The following RGS6 variants were observed in gnomAD, a reference collection of about 807,000 sequenced individuals.
The protein encoded by RGS6 is regulator of G-protein signaling 6.
RGS6 carries 30 observed loss-of-function variants against 78.5 expected under a neutral mutation model. The observed-to-expected ratio is 0.38, with a 90% CI of 0.29 to 0.52. The LOEUF is 0.52. Among genes scored for constraint, RGS6 ranks in the 20% least tolerant of loss-of-function variants. The pLI, the probability that RGS6 is intolerant of heterozygous loss-of-function variation, is 0.85. For missense variants in RGS6, 495 were observed against 609.7 expected, an observed-to-expected ratio of 0.81 and a Z score of 1.98; for synonymous variants, 206 against 206.0, an observed-to-expected ratio of 1.00 and a Z score of 0.00.
chr14:72,580,642 T>A, the RGS6 span, among the ~76,000 whole-genome samples: 2 of 152,240 alleles, frequency 1.3e-5, no homozygotes, highest in African/African-American at 4.8e-5. Context: ...ATGGTTGTAA[T>A]CAGGCTATTA....
intron 3 of RGS6, among the ~76,000 whole-genome samples, chr14:72,407,673 T>C (rs1470494026): frequency 6.6e-6 from 1 of 152,260 alleles, no homozygotes; most frequent in Non-Finnish European, 1.5e-5. Context: ...CTTTAGAATC[T>C]GACCTTGTGT....
At position 72,065,803 on chromosome 14, in the gene RGS6, G is replaced by T. The variant is rs529105177; in HGVS notation, c.84+100928G>T. 3.8e-3 allele frequency among the ~76,000 whole-genome samples: 567 copies of T among 150,496 alleles called. 1 individual carries two copies. The highest frequency in any genetic ancestry group is 0.014 in the African/African-American group (554 of 40,884). On this transcript the variant is annotated intron_variant, in intron 2 of 17. Transcript: ENST00000553525. ...TTTTTTTATTATACTTTAAGTTTTA[G>T]GGTACATGTGCACAATGTGCAGGTT...
intron 12 of RGS6, among the ~76,000 whole-genome samples, chr14:72,484,605 TA>T (rs2096453715): frequency 6.6e-6 from 1 of 152,218 alleles, no homozygotes. Flanking sequence ...AGAGAAAGGA[TA>T]AAATCTACAA....
intron 1 of RGS6, among the ~76,000 whole-genome samples, chr14:71,955,729 C>A (rs946021611): frequency 1.2e-4 from 19 of 152,238 alleles, no homozygotes; most frequent in African/African-American, 4.3e-4. Context: ...CCCTGTTTAT[C>A]AGCAAGGTCT....
At chr14:72,247,651 T>G (rs886695275) in intron 2 of RGS6, among the ~76,000 whole-genome samples, 3 of 152,206 alleles carry the variant, frequency 2.0e-5, no homozygotes, top group Non-Finnish European at 4.4e-5. Context: ...TGCAATAGCA[T>G]TGGGAGGTGG....
chr14:72,229,451 G>T (rs1198966862), intron 2 of RGS6, among the ~76,000 whole-genome samples: 1 of 152,042 alleles, frequency 6.6e-6, no homozygotes, highest in East Asian at 1.9e-4. Context: ...CCCATTGTGG[G>T]CTGGTACTCC....
chr14:72,540,390 T>G, intron 17 of RGS6: 1 of 1,456,702 alleles, frequency 6.9e-7, no homozygotes. Context: ...GGGACCCTGC[T>G]GCCCTCGGGG....
chr14:71,940,222 C>G (rs1037076731), intron 1 of RGS6, among the ~76,000 whole-genome samples: 3 of 152,192 alleles, frequency 2.0e-5, no homozygotes, highest in Non-Finnish European at 4.4e-5. Flanking sequence ...ATTTTCCTTT[C>G]CCGAGTGCAG....
chr14:72,134,856 T>C (rs897557360), intron 2 of RGS6, among the ~76,000 whole-genome samples: 1 of 152,178 alleles, frequency 6.6e-6, no homozygotes, highest in Non-Finnish European at 1.5e-5. Context: ...CCTTTCCCCA[T>C]CTTTTTGTCA....
the RGS6 span, among the ~76,000 whole-genome samples, chr14:71,902,712 A>C: frequency 6.6e-6 from 1 of 152,230 alleles, no homozygotes; most frequent in Non-Finnish European, 1.5e-5. Context: ...TTATAACAAA[A>C]TAAATAAAAA....
chr14:72,034,429 G>A (rs11158932), intron 2 of RGS6, among the ~76,000 whole-genome samples: 20,137 of 149,926 alleles, frequency 0.13, 1,449 homozygotes, highest in African/African-American at 0.18. Context: ...CACCAATTCA[G>A]TCATGTGGTT....
chr14:72,061,641 T>C (rs1305096982), intron 2 of RGS6, among the ~76,000 whole-genome samples: 4 of 152,136 alleles, frequency 2.6e-5, no homozygotes, highest in African/African-American at 9.7e-5. Flanking sequence ...TTAAACTTGC[T>C]ACAAATAAGC....
chr14:72,025,607 T>C (rs554027885), intron 2 of RGS6, among the ~76,000 whole-genome samples: 8 of 152,256 alleles, frequency 5.3e-5, no homozygotes, highest in African/African-American at 1.4e-4. Flanking sequence ...TGCCTTTCCA[T>C]AGGGCCAAGT....
At chr14:71,873,416 G>GT in the RGS6 span, among the ~76,000 whole-genome samples, 570 of 152,214 alleles carry the variant, frequency 3.7e-3, 5 homozygotes, top group African/African-American at 0.013. Context: ...TTTTTCATGT[G>GT]TTTTTTGGCT....
chr14:71,942,734 C>A (rs532502350), intron 1 of RGS6, among the ~76,000 whole-genome samples: 8 of 152,050 alleles, frequency 5.3e-5, no homozygotes, highest in Non-Finnish European at 8.8e-5. Flanking sequence ...TATGTGGCTA[C>A]CTTTTATATA....
chr14:72,001,613 G>T (rs1177220513), intron 2 of RGS6, among the ~76,000 whole-genome samples: 2 of 151,866 alleles, frequency 1.3e-5, no homozygotes, highest in Non-Finnish European at 1.5e-5. Context: ...CCAAATTAAA[G>T]ACATATTCTC....
At chr14:72,417,116 C>CATGAAGGGCAGACATGA in intron 3 of RGS6, among the ~76,000 whole-genome samples, 1 of 152,350 alleles carries the variant, frequency 6.6e-6, no homozygotes, top group East Asian at 1.9e-4. Flanking sequence ...ATGCCACCTG[C>CATGAAGGGCAGACATGA]ATGAAGGGCA....
chr14:71,925,334 G>T, the RGS6 span, among the ~76,000 whole-genome samples: 1 of 152,104 alleles, frequency 6.6e-6, no homozygotes, highest in African/African-American at 2.4e-5. Flanking sequence ...AGGCTTGCAG[G>T]TATTTCCTCC....
intron 2 of RGS6, among the ~76,000 whole-genome samples, chr14:72,034,980 G>A (rs1567064520): frequency 6.6e-6 from 1 of 152,132 alleles, no homozygotes; most frequent in Non-Finnish European, 1.5e-5. Flanking sequence ...ATTCTGAGTA[G>A]CATGATAAAA....
Sources: gnomAD v4.1 joint callset for allele counts (sites outside exome capture counted in the v4.1 genomes callset) on GRCh38, gnomAD v4.1.1 for gene constraint, MANE v1.5 for transcripts, NCBI Gene and HGNC (gene_info 2026-07-23, HGNC 2026-07-21) for gene names.